The following TBC1D19 variants were observed in gnomAD, a reference collection of about 807,000 sequenced individuals.
TBC1D19 encodes TBC1 domain family, member 19.
Under a neutral mutation model 89.0 loss-of-function variants are expected in TBC1D19, and 60 were observed. The ratio of observed to expected loss-of-function variants is 0.67; its 90% CI spans 0.55 to 0.84. The LOEUF is 0.84. Ranked by LOEUF, TBC1D19 falls within the 40% of genes least tolerant of loss-of-function variation. The pLI, the probability that TBC1D19 is intolerant of heterozygous loss-of-function variation, is 0.00. For missense variants in TBC1D19, 500 were observed against 610.8 expected (o/e 0.82, Z 1.91); for synonymous variants, 189 against 199.7 (o/e 0.95, Z 0.45).
At chr4:26,606,006 C>G (rs1206272950) in intron 1 of TBC1D19, among the ~76,000 whole-genome samples, 1 of 152,130 alleles carries the variant, frequency 6.6e-6, no homozygotes. Flanking sequence ...TAAACAAAAG[C>G]ATTCTTGGGT....
the TBC1D19 span, among the ~76,000 whole-genome samples, chr4:26,842,340 CTTT>C: frequency 4.9e-5 from 4 of 81,572 alleles, no homozygotes; most frequent in African/African-American, 9.2e-5. Context: ...CTTTTCTTTT[CTTT>C]TTTTTTTTTT....
At position 26,626,672 on chromosome 4, in the gene TBC1D19, GTCAA is replaced by G. The variant is rs1742423977; in HGVS notation, c.294+5987_294+5990del. On this transcript the variant is annotated intron_variant, in intron 4 of 20. Coordinates refer to ENST00000264866, the MANE Select transcript of TBC1D19 (RefSeq NM_018317.4). ...TGTGGTTGAATTTATTCTGTTCTCT[GTCAA>G]TCCAGTAACCTTGGCAAAAATGATA... 2.0e-5 allele frequency among the ~76,000 whole-genome samples: 3 copies of G among 152,104 alleles called. No homozygotes were observed. The South Asian group carries it at 6.2e-4, about 32-fold the overall frequency.
At chr4:26,752,024 A>T (rs1718991784) in intron 19 of TBC1D19, among the ~76,000 whole-genome samples, 1 of 152,160 alleles carries the variant, frequency 6.6e-6, no homozygotes, top group South Asian at 2.1e-4. Context: ...TATTGGCTTT[A>T]CTATTTTCTA....
At chr4:26,775,935 C>G in the TBC1D19 span, among the ~76,000 whole-genome samples, 3 of 152,054 alleles carry the variant, frequency 2.0e-5, no homozygotes, top group African/African-American at 7.2e-5. Flanking sequence ...CAGTTTTTAT[C>G]CTTATTGAGG....
intron 11 of TBC1D19, 62 bp from the exon 12 acceptor site, chr4:26,683,613 T>C: frequency 7.3e-7 from 1 of 1,366,518 alleles, no homozygotes; most frequent in South Asian, 1.2e-5. Flanking sequence ...ATTATTTGAG[T>C]TTAAGGCTGA....
intron 7 of TBC1D19, among the ~76,000 whole-genome samples, chr4:26,652,160 T>C (rs1202202704): frequency 6.6e-6 from 1 of 152,122 alleles, no homozygotes; most frequent in African/African-American, 2.4e-5. Context: ...TCAGGGATAT[T>C]GGTCCAAAAT....
intron 2 of TBC1D19, 77 bp downstream of exon 2, chr4:26,613,318 G>A: frequency 1.1e-6 from 1 of 901,106 alleles, no homozygotes; most frequent in Non-Finnish European, 1.6e-6. Flanking sequence ...AAGCCCTCAA[G>A]CTTGTACAAC....
chr4:26,592,884 A>C (rs1453026330), intron 1 of TBC1D19, among the ~76,000 whole-genome samples: 1 of 152,228 alleles, frequency 6.6e-6, no homozygotes, highest in Non-Finnish European at 1.5e-5. Flanking sequence ...GGGTGGGAAG[A>C]ATCAATATCA....
In TBC1D19 at chr4:26,642,100, G is replaced by A. The variant is rs576114098; in HGVS notation, c.480+1913G>A. 1.8e-4 allele frequency among the ~76,000 whole-genome samples: 28 copies of A among 152,240 alleles called. No individual in the cohort carries two copies. The South Asian group carries it at 2.7e-3, about 15-fold the overall frequency. ...AAAACACCACAAAGACACTCCTCGA[G>A]AAGAGCAACCCCAAGGCACATAACT... On this transcript the variant is annotated intron_variant, in intron 7 of 20. Transcript: ENST00000264866.
chr4:26,832,474 A>C, the TBC1D19 span, among the ~76,000 whole-genome samples: 1 of 152,226 alleles, frequency 6.6e-6, no homozygotes, highest in Non-Finnish European at 1.5e-5. Flanking sequence ...TTCAAGACAA[A>C]AGAGTAGAAA....
At chr4:26,725,162 T>G (rs928336890) in intron 15 of TBC1D19, among the ~76,000 whole-genome samples, 6 of 152,184 alleles carry the variant, frequency 3.9e-5, no homozygotes, top group African/African-American at 1.2e-4. Context: ...TGCTGCCAAG[T>G]TGGGGAGTAG....
the TBC1D19 span, among the ~76,000 whole-genome samples, chr4:26,773,009 T>C: frequency 6.6e-6 from 1 of 152,228 alleles, no homozygotes; most frequent in African/African-American, 2.4e-5. Context: ...TCAAATGTTA[T>C]CTCTGTCTCT....
rs374274940 is a variant in TBC1D19, at chr4:26,609,202, GTA to G, written c.100-3964_100-3963del. Among the ~76,000 whole-genome samples, 5 of 151,734 alleles carry G rather than the reference GTA, an allele frequency of 3.3e-5. No individual in the cohort carries two copies. The South Asian group carries it at 1.0e-3, about 32-fold the overall frequency. On this transcript the variant is annotated intron_variant, in intron 1 of 20. Transcript: ENST00000264866. ...GTGCACATGTACCCTAAAACTTAAA[GTA>G]TAATAATAATAAAATTTAAAAAAAT...
chr4:26,584,262 T>C lies in TBC1D19; in HGVS notation c.69T>C (p.Asn23=). The change falls in exon 1 of 21, where the codon AAT becomes AAC. Residue 23 remains asparagine (N), a synonymous_variant. Transcript: ENST00000264866. ...AQIVQKLKGS[N]LYSQLERQAW... is the part of the protein sequence containing the mutation. ...TAGTCCAAAAGCTCAAGGGCTCCAATTTGTACTCTCAGCTGGAACGGCAGG... is the reference window on the plus strand; with the variant it reads ...TAGTCCAAAAGCTCAAGGGCTCCAACTTGTACTCTCAGCTGGAACGGCAGG... 6.8e-6 allele frequency: 11 copies of C among 1,612,322 alleles called. No individual in the cohort carries two copies. Among genetic ancestry groups the C allele is most frequent in the Non-Finnish European group, 9.3e-6 (11 of 1,179,450 alleles).
the TBC1D19 span, among the ~76,000 whole-genome samples, chr4:26,815,021 C>CAA: frequency 1.7e-3 from 207 of 119,316 alleles, 1 homozygote; most frequent in African/African-American, 5.8e-3. Context: ...GACCTTGTCT[C>CAA]AAAAAAAAAA....
At chr4:26,584,560 C>T (rs1191566236) in intron 1 of TBC1D19, among the ~76,000 whole-genome samples, 1 of 152,228 alleles carries the variant, frequency 6.6e-6, no homozygotes, top group Non-Finnish European at 1.5e-5. Flanking sequence ...GCGCATCACA[C>T]CTTTTTTTCA....
chr4:26,793,366 A>G, the TBC1D19 span, among the ~76,000 whole-genome samples: 4 of 152,240 alleles, frequency 2.6e-5, no homozygotes, highest in African/African-American at 9.6e-5. Context: ...CCACATAACT[A>G]GAATGTTCAA....
rs777428496 is a variant in TBC1D19 at position 26,683,675 on chromosome 4, G to C, written c.817G>C (p.Asp273His). The C allele has an allele frequency of 6.2e-7, 1 of 1,607,536 alleles. No homozygotes were observed. The highest frequency in any genetic ancestry group is 1.1e-5 in the South Asian group (1 of 89,528). ...TTTTTTGTTTTACTTTTAAATTTAG[G>C]ATGTCTTGTATTATGAGCAGCTTAA... is the stretch of plus-strand genomic sequence containing the variant. ...LILNISSQPE[D>H]VLYYEQLKTN... is the part of the protein sequence containing the mutation. The change falls in exon 12 of 21, where the codon GAT becomes CAT. Residue 273 changes from aspartate to histidine, a missense_variant and splice_region_variant. Asp to His is a moderately conservative substitution (Grantham distance 81). This residue lies in a region of TBC1D19 where 220 missense variants were observed against 319.1 expected (regional missense o/e 0.69). Transcript: ENST00000264866.
chr4:26,742,841 C>G (rs977416472), intron 18 of TBC1D19, among the ~76,000 whole-genome samples: 1 of 151,968 alleles, frequency 6.6e-6, no homozygotes, highest in African/African-American at 2.4e-5. Context: ...ACAAGAATCA[C>G]CAAAATGAAC....
Sources: allele counts gnomAD v4.1 joint callset (sites outside exome capture counted in the v4.1 genomes callset), GRCh38; gene constraint gnomAD v4.1.1; regional missense constraint gnomAD v4.1.1; transcripts MANE v1.5; gene names NCBI Gene and HGNC (gene_info 2026-07-23, HGNC 2026-07-21).